Variants in RORA observed in about 807,000 individuals in gnomAD.
RORA encodes nuclear receptor ROR-alpha.
RORA carries 7 observed loss-of-function variants against 69.5 expected under a neutral mutation model. That is an observed-to-expected ratio of 0.10 (90% CI 0.06 to 0.19). RORA has a LOEUF of 0.19. RORA is among the 10% of genes least tolerant of loss of function. RORA has a pLI of 1.00. For synonymous variants in RORA, 261 were observed against 240.8 expected (o/e 1.08, Z -0.78); for missense variants, 457 against 663.0 (o/e 0.69, Z 3.41).
chr15:61,042,618 T>C lies in RORA; in HGVS notation c.166+186435A>G, dbSNP rs575494781. On this transcript the variant is annotated intron_variant, in intron 1 of 10. Transcript: ENST00000335670. The stretch of plus-strand genomic sequence containing the variant: ...TAATTGGTCAGCCATGAGAGATTAA[T>C]TTGTGCTTAGCTGGCTGAGCGGACA... 2.0e-4 allele frequency among the ~76,000 whole-genome samples: 31 copies of C among 152,302 alleles called. 1 individual carries two copies. The South Asian group carries it at 6.4e-3, about 32-fold the overall frequency.
At chr15:60,597,259 T>C (rs1265337836) in intron 2 of RORA, among the ~76,000 whole-genome samples, 1 of 151,808 alleles carries the variant, frequency 6.6e-6, no homozygotes, top group Non-Finnish European at 1.5e-5. Flanking sequence ...ATATATTTCA[T>C]ACACCTATTA....
intron 2 of RORA, among the ~76,000 whole-genome samples, chr15:60,650,859 T>C (rs2070132533): frequency 1.3e-5 from 2 of 152,324 alleles, no homozygotes; most frequent in South Asian, 4.1e-4. Context: ...CTCATAACCA[T>C]GTTTTGGTTG....
At chr15:60,968,120 CTG>C (rs1893608921) in intron 1 of RORA, among the ~76,000 whole-genome samples, 2 of 152,294 alleles carry the variant, frequency 1.3e-5, no homozygotes, top group South Asian at 4.1e-4. Flanking sequence ...ATTCCAGAGA[CTG>C]TGTGAATGAG....
chr15:60,550,957 G>A (rs1390393573), intron 2 of RORA, among the ~76,000 whole-genome samples: 1 of 152,162 alleles, frequency 6.6e-6, no homozygotes, highest in African/African-American at 2.4e-5. Flanking sequence ...GAGCCACTGT[G>A]TGGACCACCC....
rs142984065 is a variant in RORA at position 61,147,747 on chromosome 15, G to C, written c.166+81306C>G. ...GTCCTAAAAGAAAGGTTGATGGTCA[G>C]TAGGCACGTGCGCACACGCGTGTGT... is the stretch of plus-strand genomic sequence containing the variant. On this transcript the variant is annotated intron_variant, in intron 1 of 10. Coordinates refer to ENST00000335670, the MANE Select transcript of RORA (RefSeq NM_134261.3). The surrounding 1 kb of genome is among the most constrained non-coding windows in gnomAD (Gnocchi z 4.1). Among the ~76,000 whole-genome samples the C allele has an allele frequency of 5.8e-5, 8 of 137,924 alleles. No homozygotes were observed. The highest frequency in any genetic ancestry group is 2.1e-4 in the African/African-American group (8 of 38,738). The allele number at this position is 137,924 out of a possible 152,430, so 90.5% of individuals were successfully genotyped here. A position where few individuals can be genotyped will look rare whatever the true frequency, so the allele number is the denominator to read the frequency against.
intron 1 of RORA, among the ~76,000 whole-genome samples, chr15:60,788,183 C>G (rs1567191252): frequency 6.6e-6 from 1 of 152,200 alleles, no homozygotes; most frequent in Non-Finnish European, 1.5e-5. Context: ...AATTTCCGGG[C>G]TGAGTGAGCA....
At chr15:60,516,018 TATTTATA>T in intron 3 of RORA, among the ~76,000 whole-genome samples, 5 of 15,386 alleles carry the variant, frequency 3.2e-4, no homozygotes, top group African/African-American at 1.0e-3. Flanking sequence ...TATTTATATA[TATTTATA>T]TATTTATATA....
intron 1 of RORA, among the ~76,000 whole-genome samples, chr15:60,704,851 C>G (rs1428206236): frequency 6.6e-6 from 1 of 152,140 alleles, no homozygotes; most frequent in Admixed American, 6.5e-5. Flanking sequence ...ACCCCTGACT[C>G]ATATTGCTCT....
At chr15:61,222,169 G>GTGTGTGAAA (rs1281423911) in intron 1 of RORA, among the ~76,000 whole-genome samples, 1 of 152,068 alleles carries the variant, frequency 6.6e-6, no homozygotes, top group Non-Finnish European at 1.5e-5. Flanking sequence ...ACCTACAAGG[G>GTGTGTGAAA]TGTGTGAAAC....
chr15:60,535,780 A>G (rs1469996933), intron 2 of RORA, among the ~76,000 whole-genome samples: 1 of 152,120 alleles, frequency 6.6e-6, no homozygotes, highest in Non-Finnish European at 1.5e-5. Flanking sequence ...CTAATTTATA[A>G]TAATAATATC....
rs143342659 is a variant in RORA, at chr15:60,863,608, C to T, written c.167-184922G>A. Among the ~76,000 whole-genome samples the T allele has an allele frequency of 8.5e-5, 13 of 152,164 alleles. 1 individual carries two copies. Among genetic ancestry groups the T allele is most frequent in the African/African-American group, 3.1e-4 (13 of 41,520 alleles). ...AGAAAATGATTCTCTGCCTTAATTC[C>T]CTCACATGTAAAATAGGCATAATAC... On this transcript the variant is annotated intron_variant, in intron 1 of 10. Coordinates refer to ENST00000335670, the MANE Select transcript of RORA (RefSeq NM_134261.3).
chr15:60,670,946 C>T (rs4775284), intron 2 of RORA, among the ~76,000 whole-genome samples: 86,456 of 151,346 alleles, frequency 0.57, 25,943 homozygotes, highest in East Asian at 0.73. Context: ...TATTCCTCTG[C>T]GTACAGATTG....
intron 1 of RORA, among the ~76,000 whole-genome samples, chr15:60,959,136 C>T (rs904459351): frequency 2.0e-5 from 3 of 152,196 alleles, no homozygotes; most frequent in African/African-American, 7.2e-5. Flanking sequence ...TTGGTACAGC[C>T]ATTGCCATTA....
rs145446898 is a variant in RORA, at chr15:60,932,601, C to T, written c.167-253915G>A. Among the ~76,000 whole-genome samples, 8 of 152,272 alleles carry T rather than the reference C, an allele frequency of 5.3e-5. No homozygotes were observed. In the East Asian group the frequency reaches 7.7e-4, roughly 15 times the overall value. ...CCTGAAGCCCTGGCACTGTGAATTG[C>T]GGCTCCTTCAGATCTTGCAAGCTAC... On this transcript the variant is annotated intron_variant, in intron 1 of 10. Transcript: ENST00000335670.
At chr15:60,773,653 A>G (rs561200296) in intron 1 of RORA, among the ~76,000 whole-genome samples, 1 of 152,382 alleles carries the variant, frequency 6.6e-6, no homozygotes, top group African/African-American at 2.4e-5. Context: ...GATGAGACCT[A>G]GAAAAGAGAA....
chr15:61,135,146 TAAAAAA>T (rs59644906), intron 1 of RORA, among the ~76,000 whole-genome samples: 13 of 56,580 alleles, frequency 2.3e-4, no homozygotes, highest in African/African-American at 7.0e-4. Context: ...CATCTCTTAC[TAAAAAA>T]AAAAAAAAAA....
At chr15:60,946,402 C>G (rs1301300882) in intron 1 of RORA, among the ~76,000 whole-genome samples, 1 of 152,198 alleles carries the variant, frequency 6.6e-6, no homozygotes, top group Non-Finnish European at 1.5e-5. Context: ...CGAGTGCCTG[C>G]GATTGCAGGC....
chr15:60,997,623 C>T (rs765519740), intron 1 of RORA, among the ~76,000 whole-genome samples: 50 of 152,144 alleles, frequency 3.3e-4, no homozygotes, highest in Non-Finnish European at 2.1e-4. Flanking sequence ...CAAATACTCA[C>T]ATTTATCTTC....
At chr15:60,850,694 T>C (rs1567213596) in intron 1 of RORA, among the ~76,000 whole-genome samples, 2 of 152,092 alleles carry the variant, frequency 1.3e-5, no homozygotes, top group African/African-American at 4.8e-5. Flanking sequence ...CCCTTTCCCA[T>C]CCATAGTCAC....
Sources: allele counts gnomAD v4.1 joint callset (sites outside exome capture counted in the v4.1 genomes callset), GRCh38; gene constraint gnomAD v4.1.1; non-coding constraint Gnocchi (gnomAD v3.1); transcripts MANE v1.5; gene names NCBI Gene and HGNC (gene_info 2026-07-23, HGNC 2026-07-21).